FAM98B: variants seen among roughly 807,000 people sequenced by gnomAD.
FAM98B encodes tRNA-splicing ligase complex subunit FAM98B.
FAM98B carries 32 observed loss-of-function variants against 43.9 expected under a neutral mutation model. That is an observed-to-expected ratio of 0.73 (90% CI 0.55 to 0.98). The LOEUF (loss-of-function observed/expected upper bound fraction) is 0.98. FAM98B is among the 50% of genes least tolerant of loss of function. The probability of loss-of-function intolerance (pLI) is 0.00; values close to 1 mark genes in which losing one functional copy is unlikely to be tolerated. For synonymous variants in FAM98B, 190 were observed against 174.0 expected (o/e 1.09, Z -0.72); for missense variants, 514 against 522.9 (o/e 0.98, Z 0.17).
At chr15:38,466,451 A>G (rs1202097653) in intron 3 of FAM98B, among the ~76,000 whole-genome samples, 3 of 152,166 alleles carry the variant, frequency 2.0e-5, no homozygotes, top group Admixed American at 6.6e-5. Context: ...CATATCCTTA[A>G]TATCAGTCAA....
intron 3 of FAM98B, among the ~76,000 whole-genome samples, chr15:38,467,696 TAAATG>T (rs923170775): frequency 2.6e-5 from 4 of 152,172 alleles, no homozygotes; most frequent in South Asian, 2.1e-4. Flanking sequence ...TGTACAAAGA[TAAATG>T]AAAACCATGT....
At chr15:38,461,539 A>AATAT (rs10633105) in intron 1 of FAM98B, among the ~76,000 whole-genome samples, 105 of 148,900 alleles carry the variant, frequency 7.1e-4, no homozygotes, top group Middle Eastern at 6.9e-3. Flanking sequence ...GATTAAATGA[A>AATAT]ATATATATAT....
chr15:38,477,361 G>A (rs1001135819), intron 6 of FAM98B, among the ~76,000 whole-genome samples: 3 of 151,884 alleles, frequency 2.0e-5, no homozygotes, highest in African/African-American at 7.3e-5. Context: ...ATGTCACCAG[G>A]GGTTGGAGGG....
chr15:38,461,288 CAT>C (rs1889942128), intron 1 of FAM98B, among the ~76,000 whole-genome samples: 2 of 152,136 alleles, frequency 1.3e-5, no homozygotes, highest in Admixed American at 6.5e-5. Context: ...AAGGCTGAGT[CAT>C]AGAAGAACCA....
At chr15:38,458,188 A>C (rs1367959544) in intron 1 of FAM98B, among the ~76,000 whole-genome samples, 1 of 152,218 alleles carries the variant, frequency 6.6e-6, no homozygotes, top group Non-Finnish European at 1.5e-5. Flanking sequence ...CCTGATGGCC[A>C]CTGGGGTACT....
At chr15:38,472,848 G>T (rs1341384733) in intron 4 of FAM98B, among the ~76,000 whole-genome samples, 1 of 152,072 alleles carries the variant, frequency 6.6e-6, no homozygotes, top group Non-Finnish European at 1.5e-5. Context: ...GCTAATGATG[G>T]ATTCTCCAGT....
intron 7 of FAM98B, chr15:38,481,788 G>A (rs1890291467): frequency 1.7e-6 from 1 of 587,898 alleles, no homozygotes; most frequent in South Asian, 2.2e-5. Flanking sequence ...AGTACTGACA[G>A]ATTCGTTATA....
At chr15:38,454,440 T>C (rs946104332) in intron 1 of FAM98B, among the ~76,000 whole-genome samples, 6 of 152,206 alleles carry the variant, frequency 3.9e-5, no homozygotes, top group African/African-American at 1.4e-4. Flanking sequence ...GAGCTGGGGT[T>C]CGTGGCCCCC....
intron 3 of FAM98B, among the ~76,000 whole-genome samples, chr15:38,469,010 A>G (rs1890082124): frequency 2.0e-5 from 3 of 152,136 alleles, no homozygotes; most frequent in Admixed American, 6.5e-5. Flanking sequence ...GGTTCAAGCA[A>G]TTCTCCTGCC....
intron 4 of FAM98B, among the ~76,000 whole-genome samples, chr15:38,473,286 C>G (rs567958934): frequency 6.6e-6 from 1 of 152,076 alleles, no homozygotes; most frequent in Non-Finnish European, 1.5e-5. Flanking sequence ...TTCGTTCTTA[C>G]GCTGGGAAAG....
In FAM98B at chr15:38,473,516, T is replaced by A; in HGVS notation, c.543T>A (p.Ile181=). 1.2e-6 allele frequency: 2 copies of A among 1,604,750 alleles called. No homozygotes were observed. Among genetic ancestry groups the A allele is most frequent in the South Asian group, 2.3e-5 (2 of 88,836 alleles). ...ATATTTACTTTTAGGTGAAAGATAT[T>A]CTCTCAAAGGTCCAGAAAAATCATG... ...LNQVESKVKD[I]LSKVQKNHVG... is the part of the protein sequence containing the mutation. The change falls in exon 5 of 8, where the codon ATT becomes ATA. Residue 181 remains isoleucine, a synonymous_variant. Transcript: ENST00000397609.
Position 38,484,623 on chromosome 15 carries a change from T to A in FAM98B, c.1266T>A (p.Gly422=). ...ATGGAGGAGGTGGTGGTGGTGGTGG[T>A]GGTGGTGGTGGAGGAGGTGGATATA... ...DPYGGGGGGG[G]GGGGGGGYRR... is the part of the protein sequence containing the mutation. The change falls in exon 8 of 8, where the codon GGT becomes GGA. Residue 422 remains glycine (G), a synonymous_variant. Transcript: ENST00000397609. 4.7e-6 allele frequency: 5 copies of A among 1,075,082 alleles called. No homozygotes were observed. Among genetic ancestry groups the A allele is most frequent in the Non-Finnish European group, 5.1e-6 (4 of 782,090 alleles). 66.6% of individuals were successfully genotyped at this position (1,075,082 alleles called of 1,614,324 possible). A position where few individuals can be genotyped will look rare whatever the true frequency, so the allele number is the denominator to read the frequency against.
intron 5 of FAM98B, 118 bp from the exon 6 acceptor site, chr15:38,474,064 A>T (rs568518849): frequency 1.5e-6 from 1 of 646,606 alleles, no homozygotes; most frequent in African/African-American, 1.8e-5. Context: ...GGAACAGAAA[A>T]TGGTCAGTAA....
chr15:38,485,395 T>C lies in FAM98B; in HGVS notation c.*736T>C, dbSNP rs1394208431. ...CAACTTTACATGACGGTGTGAGAAA[T>C]AGTCCTATAAACTGGTCTCTTCATC... On this transcript the variant is annotated 3_prime_UTR_variant, in exon 8 of 8. Transcript: ENST00000397609. 6.6e-6 allele frequency: 1 copy of C among 152,220 alleles called. No homozygotes were observed. The highest frequency in any genetic ancestry group is 1.5e-5 in the Non-Finnish European group (1 of 68,060). 9.4% of individuals were successfully genotyped at this position (152,220 alleles called of 1,614,324 possible). A position where few individuals can be genotyped will look rare whatever the true frequency, so the allele number is the denominator to read the frequency against.
intron 1 of FAM98B, among the ~76,000 whole-genome samples, chr15:38,458,411 A>G (rs540913214): frequency 7.9e-5 from 12 of 152,274 alleles, no homozygotes; most frequent in Non-Finnish European, 1.3e-4. Flanking sequence ...AGTGGCTTTT[A>G]GGGTGACAGG....
chr15:38,480,416 GT>G (rs1305370067), intron 6 of FAM98B, among the ~76,000 whole-genome samples: 1 of 151,842 alleles, frequency 6.6e-6, no homozygotes, highest in Admixed American at 6.6e-5. Flanking sequence ...ATCAATCTAT[GT>G]TTTTTTCTCC....
At chr15:38,481,117 T>C (rs1232120832) in intron 6 of FAM98B, among the ~76,000 whole-genome samples, 175 bp from the exon 7 acceptor site, 1 of 152,246 alleles carries the variant, frequency 6.6e-6, no homozygotes, top group Non-Finnish European at 1.5e-5. Context: ...CCTGTTGGTC[T>C]ATTTTATTTG....
chr15:38,481,814 G>A (rs1029486815), intron 7 of FAM98B: 2 of 467,624 alleles, frequency 4.3e-6, no homozygotes, highest in Non-Finnish European at 7.4e-6. Context: ...GGTGTAAAGG[G>A]AAGAAGAGTT....
At chr15:38,456,383 C>T (rs1889849613) in intron 1 of FAM98B, among the ~76,000 whole-genome samples, 1 of 152,158 alleles carries the variant, frequency 6.6e-6, no homozygotes, top group Non-Finnish European at 1.5e-5. Context: ...TTCAGAGGTA[C>T]AGTACAGACC....
Sources: allele counts gnomAD v4.1 joint callset (sites outside exome capture counted in the v4.1 genomes callset), GRCh38; gene constraint gnomAD v4.1.1; transcripts MANE v1.5; gene names NCBI Gene and HGNC (gene_info 2026-07-23, HGNC 2026-07-21).